The following SYNPR variants were observed in gnomAD, a reference collection of about 807,000 sequenced individuals.
The protein encoded by SYNPR is synaptoporin.
A neutral mutation model predicts 32.9 loss-of-function variants in SYNPR; 23 were observed. The ratio of observed to expected loss-of-function variants is 0.70; its 90% CI spans 0.50 to 0.99. The LOEUF is 0.99. SYNPR is among the 50% of genes least tolerant of loss of function. SYNPR has a pLI of 0.00. For missense variants in SYNPR, 318 were observed against 349.3 expected (o/e 0.91, Z 0.71); for synonymous variants, 146 against 135.9 (o/e 1.07, Z -0.52).
chr3:63,323,772 T>A (rs1004382033), intron 2 of SYNPR, among the ~76,000 whole-genome samples: 1 of 151,918 alleles, frequency 6.6e-6, no homozygotes, highest in African/African-American at 2.4e-5. Context: ...TAAAATAAGG[T>A]GATAATAGGA....
intron 3 of SYNPR, among the ~76,000 whole-genome samples, chr3:63,531,266 C>T (rs1702108512): frequency 6.6e-6 from 1 of 152,264 alleles, no homozygotes; most frequent in South Asian, 2.1e-4. Flanking sequence ...TTTATTGTCT[C>T]ATCATTCTGA....
At chr3:63,204,270 C>A in the SYNPR span, among the ~76,000 whole-genome samples, 4 of 152,038 alleles carry the variant, frequency 2.6e-5, no homozygotes, top group African/African-American at 4.8e-5. Flanking sequence ...ATGTTCCCTC[C>A]GAAGACTCTA....
upstream of SYNPR, among the ~76,000 whole-genome samples, chr3:63,225,957 A>T (rs962399497): frequency 2.0e-5 from 3 of 149,828 alleles, no homozygotes; most frequent in Non-Finnish European, 4.5e-5. Flanking sequence ...ACTCAACAGG[A>T]AAAAAAAAAT....
intron 1 of SYNPR, among the ~76,000 whole-genome samples, chr3:63,251,391 A>G (rs1231908737): frequency 6.6e-6 from 1 of 152,144 alleles, no homozygotes; most frequent in East Asian, 1.9e-4. Flanking sequence ...CCCAGAAAGG[A>G]GCCTTCAATT....
In SYNPR at chr3:63,278,344, G is replaced by T; in HGVS notation, c.-190G>T. 1.5e-6 allele frequency: 1 copy of T among 675,448 alleles called. No homozygotes were observed. Among genetic ancestry groups the T allele is most frequent in the South Asian group, 2.4e-5 (1 of 40,950 alleles). 41.8% of individuals were successfully genotyped at this position (675,448 alleles called of 1,614,324 possible). A position where few individuals can be genotyped will look rare whatever the true frequency, so the allele number is the denominator to read the frequency against. ...ACTCGCTTCGCTTCCCCGACGCGCTGGGTTCCCGGAGCGCAGAGCCCAGCG... is the reference window on the plus strand; with the variant it reads ...ACTCGCTTCGCTTCCCCGACGCGCTTGGTTCCCGGAGCGCAGAGCCCAGCG... On this transcript the variant is annotated 5_prime_UTR_variant, in exon 1 of 6. Coordinates refer to ENST00000478300, the MANE Select transcript of SYNPR (RefSeq NM_001130003.2).
At chr3:63,259,530 A>G (rs2086419453) in intron 2 of SYNPR, among the ~76,000 whole-genome samples, 1 of 152,224 alleles carries the variant, frequency 6.6e-6, no homozygotes, top group African/African-American at 2.4e-5. Flanking sequence ...ACAGCCCTTC[A>G]TGCTAAAAAC....
chr3:63,470,904 C>CGGGG (rs1700782756), intron 2 of SYNPR, among the ~76,000 whole-genome samples: 2 of 152,122 alleles, frequency 1.3e-5, no homozygotes. Flanking sequence ...AAAAACAAAC[C>CGGGG]CCTATTTGTT....
intron 3 of SYNPR, among the ~76,000 whole-genome samples, chr3:63,495,468 C>T (rs1023760686): frequency 6.6e-6 from 1 of 152,130 alleles, no homozygotes; most frequent in African/African-American, 2.4e-5. Context: ...AATCACTTTT[C>T]CTAAGTACAG....
the SYNPR span, among the ~76,000 whole-genome samples, chr3:63,210,802 TTC>T: frequency 7.9e-6 from 1 of 127,030 alleles, no homozygotes; most frequent in Non-Finnish European, 1.8e-5. Flanking sequence ...CCTCCCTTCC[TTC>T]CTTCCTTCCT....
At chr3:63,362,818 T>A (rs376289712) in intron 2 of SYNPR, among the ~76,000 whole-genome samples, 1 of 152,202 alleles carries the variant, frequency 6.6e-6, no homozygotes, top group Non-Finnish European at 1.5e-5. Flanking sequence ...TTGATCCTAC[T>A]TTCCAAAATC....
At chr3:63,436,155 T>A (rs1700080288) in intron 2 of SYNPR, among the ~76,000 whole-genome samples, 1 of 152,078 alleles carries the variant, frequency 6.6e-6, no homozygotes, top group South Asian at 2.1e-4. Flanking sequence ...AATTGTTGTT[T>A]CCTATTGAGG....
chr3:63,583,447 G>T (rs1703126880), intron 4 of SYNPR, among the ~76,000 whole-genome samples: 1 of 152,084 alleles, frequency 6.6e-6, no homozygotes, highest in Non-Finnish European at 1.5e-5. Flanking sequence ...TTCTTCTGGG[G>T]ATTATTGGGG....
chr3:63,413,992 AT>A (rs1019318511), intron 2 of SYNPR, among the ~76,000 whole-genome samples: 1 of 150,880 alleles, frequency 6.6e-6, no homozygotes, highest in African/African-American at 2.4e-5. Context: ...AGGGAAAAAA[AT>A]ATATAAATAT....
chr3:63,607,389 T>G (rs1264803181), intron 4 of SYNPR, among the ~76,000 whole-genome samples: 2 of 152,212 alleles, frequency 1.3e-5, no homozygotes. Context: ...TTCCTCCAAT[T>G]TCAAATTCAG....
At chr3:63,420,531 C>T (rs941068860) in intron 2 of SYNPR, among the ~76,000 whole-genome samples, 1 of 152,072 alleles carries the variant, frequency 6.6e-6, no homozygotes, top group African/African-American at 2.4e-5. Flanking sequence ...CCTACCTTCC[C>T]TTATGCAAAA....
At chr3:63,241,576 A>C (rs1411374532) in intron 1 of SYNPR, among the ~76,000 whole-genome samples, 10 of 152,102 alleles carry the variant, frequency 6.6e-5, no homozygotes, top group Non-Finnish European at 1.0e-4. Context: ...AAGAGACCTA[A>C]AGAATAAATA....
chr3:63,437,565 A>C (rs1360472459), intron 2 of SYNPR, among the ~76,000 whole-genome samples: 4 of 148,630 alleles, frequency 2.7e-5, no homozygotes, highest in Non-Finnish European at 6.0e-5. Flanking sequence ...GGAGAGACAG[A>C]GAAAGAAAGA....
chr3:63,367,619 G>T (rs998075990), intron 2 of SYNPR, among the ~76,000 whole-genome samples: 10 of 152,064 alleles, frequency 6.6e-5, no homozygotes, highest in Non-Finnish European at 1.5e-4. Flanking sequence ...GCCTCCTAAA[G>T]TGAGTGCTAG....
chr3:63,383,974 G>C (rs940344297), intron 2 of SYNPR, among the ~76,000 whole-genome samples: 21 of 152,206 alleles, frequency 1.4e-4, no homozygotes, highest in Non-Finnish European at 2.8e-4. Context: ...GGCAATAATT[G>C]TAAGTATATT....
Sources: allele counts gnomAD v4.1 joint callset (sites outside exome capture counted in the v4.1 genomes callset), GRCh38; gene constraint gnomAD v4.1.1; transcripts MANE v1.5; gene names NCBI Gene and HGNC (gene_info 2026-07-23, HGNC 2026-07-21).